STX18: variants seen among roughly 807,000 people sequenced by gnomAD.
STX18 encodes the protein syntaxin-18.
STX18 carries 40 observed loss-of-function variants against 50.1 expected under a neutral mutation model. The observed-to-expected ratio is 0.80, with a 90% CI of 0.62 to 1.04. STX18 has a LOEUF of 1.04. STX18 is among the 50% of genes least tolerant of loss of function. STX18 has a pLI of 0.00. For missense variants in STX18, 410 were observed against 415.8 expected (o/e 0.99, Z 0.12); for synonymous variants, 158 against 151.8 (o/e 1.04, Z -0.30).
At chr4:4,482,505 TTCTC>T (rs1445233229) in intron 1 of STX18, among the ~76,000 whole-genome samples, 1 of 152,234 alleles carries the variant, frequency 6.6e-6, no homozygotes, top group African/African-American at 2.4e-5. Context: ...TTTTACACTC[TTCTC>T]TCTTTTTCAC....
intron 7 of STX18, among the ~76,000 whole-genome samples, chr4:4,432,586 TG>T (rs1324253786): frequency 6.6e-6 from 1 of 152,190 alleles, no homozygotes; most frequent in African/African-American, 2.4e-5. Context: ...GCCCCACCTG[TG>T]GGGTGGCCAT....
chr4:4,495,853 T>C (rs889219304), intron 1 of STX18, among the ~76,000 whole-genome samples: 6 of 152,168 alleles, frequency 3.9e-5, no homozygotes, highest in African/African-American at 1.4e-4. Flanking sequence ...TGGAACAAGT[T>C]AAAATGCAAA....
At chr4:4,530,316 T>A (rs930228491) in intron 1 of STX18, among the ~76,000 whole-genome samples, 2 of 151,884 alleles carry the variant, frequency 1.3e-5, no homozygotes, top group African/African-American at 4.8e-5. Flanking sequence ...TTTGCATACA[T>A]AGTTTTAATT....
At chr4:4,536,257 A>T (rs901310131) in intron 1 of STX18, among the ~76,000 whole-genome samples, 1 of 152,270 alleles carries the variant, frequency 6.6e-6, no homozygotes, top group Non-Finnish European at 1.5e-5. Flanking sequence ...TGAGAGAGAC[A>T]GTAGATTAAC....
chr4:4,436,603 C>T (rs1725789709), intron 6 of STX18, among the ~76,000 whole-genome samples: 1 of 152,242 alleles, frequency 6.6e-6, no homozygotes, highest in South Asian at 2.1e-4. Context: ...CACTCTACAA[C>T]ATGCTCATTT....
chr4:4,496,292 C>T (rs963357475), intron 1 of STX18, among the ~76,000 whole-genome samples: 3 of 152,134 alleles, frequency 2.0e-5, no homozygotes, highest in African/African-American at 7.2e-5. Flanking sequence ...CGCTGAGGCT[C>T]TCACAACTTG....
intron 1 of STX18, among the ~76,000 whole-genome samples, chr4:4,525,631 A>G (rs1413530192): frequency 1.3e-5 from 2 of 152,220 alleles, no homozygotes; most frequent in African/African-American, 2.4e-5. Flanking sequence ...TACAAGAGCC[A>G]CTGTGCTAAA....
chr4:4,480,876 A>G (rs1013944045), intron 1 of STX18, among the ~76,000 whole-genome samples: 4 of 152,244 alleles, frequency 2.6e-5, no homozygotes, highest in Admixed American at 6.5e-5. Flanking sequence ...GGATTAATAA[A>G]GGTTCACCAT....
At chr4:4,511,739 T>A (rs1034557201) in intron 1 of STX18, among the ~76,000 whole-genome samples, 7 of 150,712 alleles carry the variant, frequency 4.6e-5, no homozygotes, top group Non-Finnish European at 7.4e-5. Flanking sequence ...TGTGTGTGTG[T>A]GTGTGTGTGT....
At chr4:4,436,569 G>C (rs550157983) in intron 6 of STX18, among the ~76,000 whole-genome samples, 1 of 152,290 alleles carries the variant, frequency 6.6e-6, no homozygotes, top group Admixed American at 6.5e-5. Flanking sequence ...AGCTAGAATG[G>C]GAAAGTTTTC....
chr4:4,541,996 C>A lies in STX18; in HGVS notation c.-32G>T, dbSNP rs1293660926. ...CCGCACCCTCAGCCCCACACTAGGC[C>A]CGCCCACGTAAGCAGCCGGCGACCG... On this transcript the variant is annotated 5_prime_UTR_variant, in exon 1 of 11. Transcript: ENST00000306200. 1.9e-6 allele frequency: 3 copies of A among 1,548,094 alleles called. No homozygotes were observed. The highest frequency in any genetic ancestry group is 5.0e-5 in the East Asian group (2 of 40,070).
Position 4,419,011 on chromosome 4 carries a change from A to T in STX18, c.*1023T>A, listed in dbSNP as rs532666277. Reference sequence around the variant, plus strand: ...CTTTATTGACTGTGAATTCATTTACATGTAACTTCTGACATTTCACTCTGT... The same window carrying T: ...CTTTATTGACTGTGAATTCATTTACTTGTAACTTCTGACATTTCACTCTGT... On this transcript the variant is annotated 3_prime_UTR_variant, in exon 11 of 11. Transcript: ENST00000306200. 1.3e-5 allele frequency: 2 copies of T among 152,270 alleles called. No homozygotes were observed. The highest frequency in any genetic ancestry group is 2.9e-5 in the Non-Finnish European group (2 of 68,056). 9.4% of individuals were successfully genotyped at this position (152,270 alleles called of 1,614,324 possible).
At chr4:4,540,400 A>G (rs1731531007) in intron 1 of STX18, among the ~76,000 whole-genome samples, 1 of 152,244 alleles carries the variant, frequency 6.6e-6, no homozygotes, top group Admixed American at 6.5e-5. Context: ...AGTCTCACTC[A>G]AATGTTTATT....
chr4:4,426,490 G>C (rs188451672), intron 7 of STX18: 112 of 152,272 alleles, frequency 7.4e-4, no homozygotes, highest in African/African-American at 2.6e-3. Context: ...ACCACCACGG[G>C]CTATGCTGGC....
intron 1 of STX18, among the ~76,000 whole-genome samples, chr4:4,514,263 G>C (rs958153707): frequency 2.7e-4 from 41 of 152,316 alleles, no homozygotes; most frequent in African/African-American, 9.9e-4. Context: ...GGAGAAAGCA[G>C]TTCCATAAAA....
chr4:4,536,188 G>C (rs543823925), intron 1 of STX18, among the ~76,000 whole-genome samples: 1 of 152,308 alleles, frequency 6.6e-6, no homozygotes, highest in South Asian at 2.1e-4. Flanking sequence ...AATCATGTGA[G>C]TATCACAGAG....
intron 1 of STX18, among the ~76,000 whole-genome samples, chr4:4,505,811 G>C (rs533908506): frequency 5.9e-5 from 9 of 152,060 alleles, no homozygotes; most frequent in African/African-American, 2.2e-4. Flanking sequence ...ACGAAAAATC[G>C]AAGTATGGTT....
intron 1 of STX18, chr4:4,478,848 C>T (rs1728322697): frequency 1.3e-5 from 2 of 152,478 alleles, no homozygotes; most frequent in Non-Finnish European, 2.9e-5. Flanking sequence ...TCAGATCGAC[C>T]AGCCAGCAGA....
intron 1 of STX18, among the ~76,000 whole-genome samples, chr4:4,518,086 A>G (rs1322090414): frequency 6.6e-6 from 1 of 152,196 alleles, no homozygotes; most frequent in African/African-American, 2.4e-5. Flanking sequence ...ATGTGTTCTT[A>G]TAAAATGTTG....
Sources: gnomAD v4.1 joint callset for allele counts (sites outside exome capture counted in the v4.1 genomes callset) on GRCh38, gnomAD v4.1.1 for gene constraint, MANE v1.5 for transcripts, NCBI Gene and HGNC (gene_info 2026-07-23, HGNC 2026-07-21) for gene names.